SORL1: variants seen among roughly 807,000 people sequenced by gnomAD.
SORL1 encodes the protein sortilin-related receptor.
In SORL1, 127 loss-of-function variants were observed where a neutral mutation model predicts 273.7. The observed-to-expected ratio is 0.46, with a 90% CI of 0.40 to 0.54. The LOEUF is 0.54. SORL1 is among the 20% of genes least tolerant of loss of function. The pLI, the probability that SORL1 is intolerant of heterozygous loss-of-function variation, is 0.00. For missense variants in SORL1, 2,494 were observed against 2,846.1 expected, an observed-to-expected ratio of 0.88 and a Z score of 2.81; for synonymous variants, 1,031 against 1,067.4, an observed-to-expected ratio of 0.97 and a Z score of 0.66.
chr11:121,495,978 G>T (rs545064278), intron 5 of SORL1, among the ~76,000 whole-genome samples: 2 of 152,310 alleles, frequency 1.3e-5, no homozygotes, highest in East Asian at 3.9e-4. Context: ...AGGCATTACT[G>T]CATAAAGGAA....
intron 2 of SORL1, among the ~76,000 whole-genome samples, chr11:121,475,013 T>C (rs1453288286): frequency 1.3e-5 from 2 of 152,120 alleles, no homozygotes; most frequent in Non-Finnish European, 2.9e-5. Context: ...TCCTAGCACT[T>C]TGGAAAGCTG....
chr11:121,601,532 A>G (rs2134917169), intron 32 of SORL1, among the ~76,000 whole-genome samples: 1 of 146,262 alleles, frequency 6.8e-6, no homozygotes, highest in South Asian at 2.2e-4. Flanking sequence ...AAGTGTTCCT[A>G]TTTCTCCACC....
intron 1 of SORL1, among the ~76,000 whole-genome samples, chr11:121,468,108 C>T (rs758247318): frequency 3.3e-5 from 5 of 151,940 alleles, no homozygotes; most frequent in Admixed American, 1.3e-4. Flanking sequence ...GGGGAAAGTT[C>T]GAGTGTGCTG....
chr11:121,480,459 A>ATTG (rs756177475), intron 3 of SORL1, among the ~76,000 whole-genome samples: 2 of 152,042 alleles, frequency 1.3e-5, no homozygotes, highest in Non-Finnish European at 2.9e-5. Context: ...GTATTTACAC[A>ATTG]TTGTCTCAGA....
intron 1 of SORL1, among the ~76,000 whole-genome samples, chr11:121,456,079 A>T (rs1424179271): frequency 1.3e-5 from 2 of 151,614 alleles, no homozygotes; most frequent in African/African-American, 4.9e-5. Context: ...AATTCATGCC[A>T]CACTGAATTT....
chr11:121,544,676 T>C (rs917666709), intron 13 of SORL1, among the ~76,000 whole-genome samples: 1 of 152,234 alleles, frequency 6.6e-6, no homozygotes, highest in Non-Finnish European at 1.5e-5. Context: ...AGGCATACTT[T>C]GGAATGCTTG....
chr11:121,550,505 G>T lies in SORL1; in HGVS notation c.2181-80G>T. 8.5e-7 allele frequency: 1 copy of T among 1,176,620 alleles called. No homozygotes were observed. Among genetic ancestry groups the T allele is most frequent in the Non-Finnish European group, 1.3e-6 (1 of 786,584 alleles). The allele number at this position is 1,176,620 out of a possible 1,614,324, so 72.9% of individuals were successfully genotyped here. ...GGATGGACTCTACTGGCCGTGGGTA[G>T]TAAGTGTATTCCCAGCTGGGATGCC... On this transcript the variant is annotated intron_variant, in intron 15 of 47. Transcript: ENST00000260197. This position sits in a 1 kb window ranked among gnomAD's most constrained non-coding sequence, Gnocchi z 5.3.
intron 25 of SORL1, among the ~76,000 whole-genome samples, chr11:121,578,094 C>G (rs1591335715): frequency 1.3e-5 from 2 of 152,210 alleles, no homozygotes; most frequent in South Asian, 4.1e-4. Flanking sequence ...GTCCAAAAAA[C>G]AAAAATTAAG....
chr11:121,454,758 C>T (rs1027704456), intron 1 of SORL1, among the ~76,000 whole-genome samples: 1 of 152,210 alleles, frequency 6.6e-6, no homozygotes, highest in Admixed American at 6.5e-5. Context: ...GGTGCAGACC[C>T]TTCAGAATGC....
chr11:121,618,685 C>A, intron 41 of SORL1, 89 bp from the exon 42 acceptor site: 2 of 1,479,950 alleles, frequency 1.4e-6, no homozygotes, highest in Non-Finnish European at 1.9e-6. Flanking sequence ...TCTTTTGAAG[C>A]AGTTCCAGGG....
chr11:121,551,739 G>A (rs1862510442), intron 16 of SORL1, among the ~76,000 whole-genome samples: 1 of 152,218 alleles, frequency 6.6e-6, no homozygotes, highest in African/African-American at 2.4e-5. Flanking sequence ...ACTGCCGCCA[G>A]CTTGCCCTGG....
intron 31 of SORL1, among the ~76,000 whole-genome samples, chr11:121,592,896 C>A (rs887181787): frequency 6.6e-6 from 1 of 152,222 alleles, no homozygotes; most frequent in Non-Finnish European, 1.5e-5. Context: ...CAAATTCTGA[C>A]TAATCCAGTG....
rs753573584 is a variant in SORL1 at position 121,469,994 on chromosome 11, T to A, written c.286-13T>A. Reference sequence around the variant, plus strand: ...TTATCGTGGGTCCTAATTCCTACATTGATCTCTTTCAGGTTAGTCTGAATG... The same window carrying A: ...TTATCGTGGGTCCTAATTCCTACATAGATCTCTTTCAGGTTAGTCTGAATG... On this transcript the variant is annotated splice_polypyrimidine_tract_variant and intron_variant, in intron 1 of 47. Transcript: ENST00000260197. 1.3e-6 allele frequency: 2 copies of A among 1,574,586 alleles called. No homozygotes were observed. The highest frequency in any genetic ancestry group is 1.3e-5 in the African/African-American group (1 of 74,164).
At chr11:121,464,027 G>A (rs1157685059) in intron 1 of SORL1, among the ~76,000 whole-genome samples, 1 of 152,146 alleles carries the variant, frequency 6.6e-6, no homozygotes, top group African/African-American at 2.4e-5. Context: ...CACAGTTGAA[G>A]GACAGGATAT....
intron 3 of SORL1, among the ~76,000 whole-genome samples, chr11:121,481,654 T>G (rs1347373041): frequency 8.9e-5 from 10 of 112,052 alleles, no homozygotes. Context: ...CACAGATACC[T>G]ATAGGCAGGT....
chr11:121,491,515 C>A, intron 5 of SORL1, among the ~76,000 whole-genome samples: 1 of 152,076 alleles, frequency 6.6e-6, no homozygotes, highest in East Asian at 1.9e-4. Context: ...CAAACTTGAC[C>A]CCTCGCAAAT....
intron 3 of SORL1, among the ~76,000 whole-genome samples, chr11:121,483,234 C>T (rs1215436006): frequency 1.3e-5 from 2 of 152,180 alleles, no homozygotes; most frequent in Admixed American, 6.5e-5. Flanking sequence ...TACGGGCCAG[C>T]GCCACTGCAT....
At chr11:121,603,240 A>T (rs558713652) in intron 32 of SORL1, among the ~76,000 whole-genome samples, 3 of 152,216 alleles carry the variant, frequency 2.0e-5, no homozygotes, top group South Asian at 4.2e-4. Flanking sequence ...TTGATTTTAG[A>T]CCCTCATCAC....
intron 12 of SORL1, among the ~76,000 whole-genome samples, chr11:121,535,227 T>C (rs1341584349): frequency 6.6e-6 from 1 of 152,226 alleles, no homozygotes; most frequent in Non-Finnish European, 1.5e-5. Flanking sequence ...GGAGGCTCCC[T>C]GGATGTGTGC....
Sources: gnomAD v4.1 joint callset for allele counts (sites outside exome capture counted in the v4.1 genomes callset) on GRCh38, gnomAD v4.1.1 for gene constraint, Gnocchi (gnomAD v3.1) non-coding constraint, MANE v1.5 for transcripts, NCBI Gene and HGNC (gene_info 2026-07-23, HGNC 2026-07-21) for gene names.